SLIT2: variants seen among roughly 807,000 people sequenced by gnomAD.
SLIT2 encodes slit guidance ligand 2, also known as slit homolog 2 protein.
In SLIT2, 41 loss-of-function variants were observed where a neutral mutation model predicts 185.7. The observed-to-expected ratio is 0.22, with a 90% CI of 0.17 to 0.29. The LOEUF (loss-of-function observed/expected upper bound fraction) is 0.29, where lower values mean the gene tolerates loss of function less well. SLIT2 is among the 10% of genes least tolerant of loss of function. The pLI, the probability that SLIT2 is intolerant of heterozygous loss-of-function variation, is 1.00. For missense variants in SLIT2, 1,571 were observed against 1,909.0 expected (o/e 0.82, Z 3.30); for synonymous variants, 693 against 680.2 (o/e 1.02, Z -0.29).
rs1437137633 is a variant in SLIT2, at chr4:20,484,344, T to C, written c.540-1856T>C. Among the ~76,000 whole-genome samples the C allele has an allele frequency of 6.6e-6, 1 of 152,168 alleles. No individual in the cohort carries two copies. Among genetic ancestry groups the C allele is most frequent in the African/African-American group, 2.4e-5 (1 of 41,448 alleles). ...ACATCAGGATATATTTTAATGGCAT[T>C]TGAAAAAGACATCTCATTTCACCTG... On this transcript the variant is annotated intron_variant, in intron 6 of 36. Coordinates refer to ENST00000504154, the MANE Select transcript of SLIT2 (RefSeq NM_004787.4). The surrounding 1 kb of genome is among the most constrained non-coding windows in gnomAD (Gnocchi z 4.3).
chr4:20,475,376 T>C (rs1445380167), intron 5 of SLIT2, among the ~76,000 whole-genome samples: 1 of 151,830 alleles, frequency 6.6e-6, no homozygotes, highest in Admixed American at 6.6e-5. Flanking sequence ...CTCTGTCTTT[T>C]CTGACATTCT....
chr4:20,612,443 C>A (rs1219082411), intron 34 of SLIT2, among the ~76,000 whole-genome samples: 1 of 152,034 alleles, frequency 6.6e-6, no homozygotes, highest in Non-Finnish European at 1.5e-5. Flanking sequence ...ACTTTCATCC[C>A]AGTCCCACTG....
At chr4:20,281,426 T>C (rs1034736104) in intron 4 of SLIT2, among the ~76,000 whole-genome samples, 3 of 152,208 alleles carry the variant, frequency 2.0e-5, no homozygotes, top group Admixed American at 1.3e-4. Flanking sequence ...TAATTCTCCC[T>C]AGGAAATGCA....
At chr4:20,491,160 A>G (rs1717748760) in intron 8 of SLIT2, among the ~76,000 whole-genome samples, 2 of 152,220 alleles carry the variant, frequency 1.3e-5, no homozygotes, top group Non-Finnish European at 2.9e-5. Flanking sequence ...ATAATTTTTT[A>G]TTAACAATAA....
chr4:20,548,445 T>G (rs557622213), intron 22 of SLIT2, 43 bp from the exon 23 acceptor site: 2 of 983,380 alleles, frequency 2.0e-6, no homozygotes, highest in Non-Finnish European at 3.3e-6. Flanking sequence ...AATATTTTCA[T>G]TTCTGTGGTT....
intron 18 of SLIT2, among the ~76,000 whole-genome samples, chr4:20,535,634 AGAT>A (rs1722202469): frequency 1.3e-5 from 2 of 152,160 alleles, no homozygotes; most frequent in Non-Finnish European, 2.9e-5. Flanking sequence ...TAGAAGTTCA[AGAT>A]GGAAGTGCTG....
In SLIT2 at chr4:20,536,830, T is replaced by C. The variant is rs189087525; in HGVS notation, c.1833-2611T>C. On this transcript the variant is annotated intron_variant, in intron 18 of 36. Coordinates refer to ENST00000504154, the MANE Select transcript of SLIT2 (RefSeq NM_004787.4). ...TTATTCTTTTCTTTATTCTTTTCTG[T>C]TTTTTAAATTGTTTGATTTACTTAC... 1.6e-3 allele frequency among the ~76,000 whole-genome samples: 239 copies of C among 152,212 alleles called. 1 individual carries two copies. The highest frequency in any genetic ancestry group is 2.8e-3 in the Admixed American group (43 of 15,300).
intron 4 of SLIT2, among the ~76,000 whole-genome samples, chr4:20,342,766 G>A (rs1352375688): frequency 1.9e-5 from 2 of 107,898 alleles, no homozygotes; most frequent in South Asian, 2.9e-4. Context: ...TTCTAATGTC[G>A]GTCCATGTGC....
chr4:20,535,505 G>A (rs1412238564), intron 18 of SLIT2, among the ~76,000 whole-genome samples: 2 of 152,038 alleles, frequency 1.3e-5, no homozygotes, highest in Non-Finnish European at 2.9e-5. Context: ...ACCTTGGAGT[G>A]GGAGGAAGGC....
rs556516946 is a variant in SLIT2, at chr4:20,488,951, C to T, written c.744C>T (p.Ala248=). 6 of 1,610,134 alleles carry T rather than the reference C, an allele frequency of 3.7e-6. No homozygotes were observed. The Admixed American group carries it at 5.0e-5, about 13-fold the overall frequency. ...CCCACCTGAGAGGCCATAATGTAGCCGAGGTTCAAAAACGAGAATTTGTCT... is the reference window on the plus strand; with the variant it reads ...CCCACCTGAGAGGCCATAATGTAGCTGAGGTTCAAAAACGAGAATTTGTCT... ...GPSHLRGHNV[A]EVQKREFVCS... The change falls in exon 8 of 37, where the codon GCC becomes GCT. Residue 248 remains alanine, a synonymous_variant. Coordinates refer to ENST00000504154, the MANE Select transcript of SLIT2 (RefSeq NM_004787.4).
At chr4:20,305,691 G>C (rs1022671170) in intron 4 of SLIT2, among the ~76,000 whole-genome samples, 3 of 151,302 alleles carry the variant, frequency 2.0e-5, no homozygotes, top group Admixed American at 2.0e-4. Context: ...TGACCAACAT[G>C]GTGAAACCCC....
chr4:20,433,455 T>G (rs1401077399), intron 4 of SLIT2, among the ~76,000 whole-genome samples: 2 of 152,234 alleles, frequency 1.3e-5, no homozygotes, highest in African/African-American at 2.4e-5. Context: ...TGTGTTTATA[T>G]TCCTGTCTCC....
chr4:20,342,055 G>C (rs1008831108), intron 4 of SLIT2, among the ~76,000 whole-genome samples: 1 of 152,154 alleles, frequency 6.6e-6, no homozygotes, highest in East Asian at 1.9e-4. Context: ...GTTCAGTTCA[G>C]TGAGTTGAAT....
chr4:20,261,402 A>C (rs187913158), intron 3 of SLIT2, among the ~76,000 whole-genome samples: 12 of 151,966 alleles, frequency 7.9e-5, no homozygotes, highest in African/African-American at 2.4e-4. Context: ...TAAATTCTCC[A>C]TGCAAAATTA....
chr4:20,403,470 G>T (rs1051982684), intron 4 of SLIT2, among the ~76,000 whole-genome samples: 1 of 151,906 alleles, frequency 6.6e-6, no homozygotes, highest in African/African-American at 2.4e-5. Flanking sequence ...AATTGACCTA[G>T]CAGGGCTCCC....
intron 4 of SLIT2, among the ~76,000 whole-genome samples, chr4:20,302,891 T>A (rs1218973766): frequency 1.3e-5 from 2 of 152,222 alleles, no homozygotes; most frequent in Non-Finnish European, 2.9e-5. Context: ...TTTCATGATA[T>A]AAATTTACCT....
intron 4 of SLIT2, among the ~76,000 whole-genome samples, chr4:20,363,611 G>T (rs1218817071): frequency 6.6e-6 from 1 of 151,988 alleles, no homozygotes. Context: ...TTTAAAAACT[G>T]CAGTGAATAA....
At chr4:20,506,400 C>A (rs1719207581) in intron 9 of SLIT2, among the ~76,000 whole-genome samples, 2 of 151,920 alleles carry the variant, frequency 1.3e-5, no homozygotes, top group South Asian at 4.1e-4. Flanking sequence ...TAATTAGGTT[C>A]TTTATGGAAC....
intron 4 of SLIT2, among the ~76,000 whole-genome samples, chr4:20,287,600 T>G (rs894810725): frequency 2.0e-5 from 3 of 152,238 alleles, no homozygotes; most frequent in African/African-American, 7.2e-5. Context: ...AATGTGTTTT[T>G]CTCCTGTGAG....
Sources: allele counts gnomAD v4.1 joint callset (sites outside exome capture counted in the v4.1 genomes callset), GRCh38; gene constraint gnomAD v4.1.1; non-coding constraint Gnocchi (gnomAD v3.1); transcripts MANE v1.5; gene names NCBI Gene and HGNC (gene_info 2026-07-23, HGNC 2026-07-21).